MDGA2: variants seen among roughly 807,000 people sequenced by gnomAD.
MDGA2 encodes MAM domain-containing glycosylphosphatidylinositol anchor protein 2.
MDGA2 carries 40 observed loss-of-function variants against 117.8 expected under a neutral mutation model. That is an observed-to-expected ratio of 0.34 (90% CI 0.26 to 0.44). MDGA2 has a LOEUF of 0.44. MDGA2 is among the 20% of genes least tolerant of loss of function. The pLI, the probability that MDGA2 is intolerant of heterozygous loss-of-function variation, is 1.00. For missense variants in MDGA2, 1,123 were observed against 1,250.6 expected (o/e 0.90, Z 1.54); for synonymous variants, 452 against 439.0 (o/e 1.03, Z -0.37).
At chr14:46,997,705 G>A (rs1887347227) in intron 8 of MDGA2, among the ~76,000 whole-genome samples, 3 of 152,120 alleles carry the variant, frequency 2.0e-5, no homozygotes, top group Admixed American at 2.0e-4. Context: ...ATAAGGTTCT[G>A]GAGAGGTGGC....
At chr14:47,039,789 C>G (rs1390544547) in intron 7 of MDGA2, among the ~76,000 whole-genome samples, 5 of 152,002 alleles carry the variant, frequency 3.3e-5, no homozygotes, top group African/African-American at 4.8e-5. Context: ...AGCATGTTAG[C>G]AAGTAGTATA....
intron 6 of MDGA2, among the ~76,000 whole-genome samples, chr14:47,077,988 G>A (rs1444476434): frequency 2.0e-5 from 3 of 152,066 alleles, no homozygotes; most frequent in Non-Finnish European, 4.4e-5. Context: ...ACTGCTTAGT[G>A]TAGGCTTAAA....
chr14:46,971,681 T>C (rs1886270314), intron 8 of MDGA2, among the ~76,000 whole-genome samples: 1 of 152,030 alleles, frequency 6.6e-6, no homozygotes, highest in Admixed American at 6.6e-5. Flanking sequence ...CAATGTATTA[T>C]ATAATAAAAA....
chr14:46,930,088 T>A (rs973154492), intron 9 of MDGA2, among the ~76,000 whole-genome samples: 1 of 147,076 alleles, frequency 6.8e-6, no homozygotes, highest in Admixed American at 7.0e-5. Flanking sequence ...AACTATTTAT[T>A]TCATGAGTAT....
intron 3 of MDGA2, among the ~76,000 whole-genome samples, chr14:47,186,066 T>C (rs2139387838): frequency 6.6e-6 from 1 of 151,500 alleles, no homozygotes; most frequent in Non-Finnish European, 1.5e-5. Flanking sequence ...AGAAAATCCA[T>C]TCATAAAACA....
chr14:47,672,369 T>G (rs956601923), intron 1 of MDGA2, among the ~76,000 whole-genome samples: 5 of 152,220 alleles, frequency 3.3e-5, no homozygotes, highest in Non-Finnish European at 7.3e-5. Flanking sequence ...ACTGCCTCCT[T>G]GTTTATTGTT....
intron 1 of MDGA2, among the ~76,000 whole-genome samples, chr14:47,394,759 ATATAT>A (rs1474560603): frequency 8.5e-5 from 13 of 152,326 alleles, no homozygotes; most frequent in African/African-American, 2.9e-4. Flanking sequence ...TAAAACAAAA[ATATAT>A]TATGATCATG....
chr14:47,347,765 A>G (rs1890790811), intron 1 of MDGA2, among the ~76,000 whole-genome samples: 2 of 152,206 alleles, frequency 1.3e-5, no homozygotes, highest in African/African-American at 4.8e-5. Flanking sequence ...AAGCAGCAGA[A>G]GAAAGTGTGA....
chr14:47,053,650 T>TACACACAC (rs1379231376), intron 7 of MDGA2, among the ~76,000 whole-genome samples: 2 of 47,030 alleles, frequency 4.3e-5, no homozygotes, highest in African/African-American at 1.9e-4. Context: ...TATATATATA[T>TACACACAC]ATATACACAC....
intron 7 of MDGA2, among the ~76,000 whole-genome samples, chr14:47,053,860 A>G (rs1889565657): frequency 6.6e-6 from 1 of 151,742 alleles, no homozygotes; most frequent in Non-Finnish European, 1.5e-5. Flanking sequence ...ACTTGCAAAT[A>G]TTCCAAATTG....
At chr14:47,040,649 T>C (rs1889030866) in intron 7 of MDGA2, among the ~76,000 whole-genome samples, 1 of 152,164 alleles carries the variant, frequency 6.6e-6, no homozygotes, top group Non-Finnish European at 1.5e-5. Context: ...TGTCTGGCTC[T>C]TGCTGTCTTC....
chr14:47,042,621 G>A (rs1309690828), intron 7 of MDGA2, among the ~76,000 whole-genome samples: 17 of 152,114 alleles, frequency 1.1e-4, no homozygotes, highest in Admixed American at 1.1e-3. Flanking sequence ...GGATTTTGAA[G>A]TTTTGAGAAG....
intron 1 of MDGA2, among the ~76,000 whole-genome samples, chr14:47,427,647 CAG>C (rs1422391294): frequency 1.3e-5 from 2 of 152,064 alleles, no homozygotes; most frequent in Admixed American, 1.3e-4. Context: ...TGGTGGGAGA[CAG>C]AGACAGGGTC....
chr14:47,455,794 C>G (rs1189505814), intron 1 of MDGA2, among the ~76,000 whole-genome samples: 2 of 151,884 alleles, frequency 1.3e-5, no homozygotes, highest in Non-Finnish European at 2.9e-5. Context: ...GTTAGGAGTT[C>G]AAGTCCAGCC....
intron 2 of MDGA2, among the ~76,000 whole-genome samples, chr14:47,282,896 T>C (rs567388487): frequency 4.1e-4 from 62 of 151,454 alleles, no homozygotes; most frequent in African/African-American, 1.5e-3. Context: ...TGCAATGAGC[T>C]ATGATCATGC....
At chr14:46,922,286 A>T (rs1884162663) in intron 9 of MDGA2, among the ~76,000 whole-genome samples, 1 of 152,168 alleles carries the variant, frequency 6.6e-6, no homozygotes, top group Non-Finnish European at 1.5e-5. Context: ...GTAGACTATA[A>T]ATTTCCCTTT....
intron 1 of MDGA2, among the ~76,000 whole-genome samples, chr14:47,607,739 G>C (rs1012894696): frequency 1.3e-5 from 2 of 152,116 alleles, no homozygotes; most frequent in Non-Finnish European, 2.9e-5. Context: ...ATGTAGGCCA[G>C]AGGGGATATG....
intron 13 of MDGA2, 63 bp downstream of exon 13, chr14:46,873,982 A>G (rs1356935856): frequency 3.9e-6 from 5 of 1,288,226 alleles, no homozygotes; most frequent in Non-Finnish European, 5.3e-6. Flanking sequence ...TTAGTATTTC[A>G]TATTTATAGC....
chr14:47,561,565 T>C (rs541724556), intron 1 of MDGA2, among the ~76,000 whole-genome samples: 14 of 152,216 alleles, frequency 9.2e-5, no homozygotes, highest in African/African-American at 2.9e-4. Context: ...TACTGATTTA[T>C]GTACATTGAT....
Sources: gnomAD v4.1 joint callset for allele counts (sites outside exome capture counted in the v4.1 genomes callset) on GRCh38, gnomAD v4.1.1 for gene constraint, MANE v1.5 for transcripts, NCBI Gene and HGNC (gene_info 2026-07-23, HGNC 2026-07-21) for gene names.